MDH1B: variants seen among roughly 807,000 people sequenced by gnomAD.
The protein encoded by MDH1B is malate dehydrogenase 1B.
Under a neutral mutation model 61.4 loss-of-function variants are expected in MDH1B, and 60 were observed. The ratio of observed to expected loss-of-function variants is 0.98; its 90% CI spans 0.79 to 1.21. The LOEUF (loss-of-function observed/expected upper bound fraction) is 1.21, where lower values mean the gene tolerates loss of function less well. Among genes scored for constraint, MDH1B ranks in the 50% most tolerant of loss-of-function variants. MDH1B has a pLI of 0.00. For synonymous variants in MDH1B, 236 were observed against 218.7 expected (o/e 1.08, Z -0.70); for missense variants, 587 against 632.1 (o/e 0.93, Z 0.76).
At chr2:206,743,496 A>G (rs540949235) in intron 9 of MDH1B, among the ~76,000 whole-genome samples, 7 of 152,122 alleles carry the variant, frequency 4.6e-5, no homozygotes, top group Admixed American at 2.0e-4. Context: ...CCTTCTCTCT[A>G]GACAATCTCC....
At chr2:206,745,770 G>A in intron 8 of MDH1B, 97 bp from the exon 9 acceptor site, 2 of 842,062 alleles carry the variant, frequency 2.4e-6, no homozygotes, top group Non-Finnish European at 3.5e-6. Context: ...TTTCACTCTT[G>A]TTGCCCAGGC....
intron 2 of MDH1B, among the ~76,000 whole-genome samples, chr2:206,759,361 C>T (rs556528758): frequency 3.3e-5 from 5 of 152,268 alleles, no homozygotes; most frequent in African/African-American, 1.2e-4. Flanking sequence ...ATATGTACCA[C>T]ATTTTCTTTC....
chr2:206,746,852 G>A (rs1366990492), intron 7 of MDH1B, among the ~76,000 whole-genome samples: 1 of 152,152 alleles, frequency 6.6e-6, no homozygotes, highest in African/African-American at 2.4e-5. Flanking sequence ...GGGGAGGCAG[G>A]AAATTTGGTT....
intron 8 of MDH1B, 57 bp from the exon 9 acceptor site, chr2:206,745,730 CTTTTTT>C (rs140066038): frequency 3.2e-3 from 2,376 of 745,878 alleles, no homozygotes; most frequent in East Asian, 0.012. Context: ...CTTAATTCTT[CTTTTTT>C]TTTTTTTTTT....
chr2:206,746,152 C>A, intron 8 of MDH1B, 135 bp downstream of exon 8: 1 of 671,460 alleles, frequency 1.5e-6, no homozygotes, highest in South Asian at 3.8e-5. Context: ...TTTTTTCAAA[C>A]TTTTATTATC....
chr2:206,762,755 C>T (rs1226509366), intron 1 of MDH1B, among the ~76,000 whole-genome samples: 1 of 152,154 alleles, frequency 6.6e-6, no homozygotes, highest in Non-Finnish European at 1.5e-5. Context: ...GACTTCCATG[C>T]CACTAAATCC....
chr2:206,751,040 C>A lies in MDH1B; in HGVS notation c.946G>T (p.Gly316Ter). The change falls in exon 6 of 12, where the codon GGA (glycine) becomes TGA (stop). Residue 316 changes from glycine (G) to a stop codon, truncating the protein, a stop_gained. Transcript: ENST00000374412. LOFTEE classifies it high-confidence loss of function. ...TTTCTCAGATCAACGTAATTATTTC[C>A]ACTGATATTACCCCAAATGATCACG... is the stretch of plus-strand genomic sequence containing the variant. ...KDVIIWGNIS[G>*]NNYVDLRKTR... 6.2e-7 allele frequency: 1 copy of A among 1,605,564 alleles called. No homozygotes were observed. The highest frequency in any genetic ancestry group is 8.5e-7 in the Non-Finnish European group (1 of 1,174,270).
chr2:206,756,754 T>C (rs755041840), intron 4 of MDH1B, 144 bp downstream of exon 4: 1 of 734,504 alleles, frequency 1.4e-6, no homozygotes, highest in Non-Finnish European at 2.2e-6. Context: ...TGCATATGTA[T>C]ATGTGTATAC....
At chr2:206,740,291 T>C (rs1687736458) in intron 10 of MDH1B, among the ~76,000 whole-genome samples, 1 of 152,242 alleles carries the variant, frequency 6.6e-6, no homozygotes, top group Admixed American at 6.5e-5. Context: ...ATGTTATATG[T>C]ATCACATACT....
At position 206,755,316 on chromosome 2, in the gene MDH1B, C is replaced by T. The variant is rs1294446855; in HGVS notation, c.603G>A (p.Val201=). The change falls in exon 5 of 12, where the codon GTG becomes GTA. Residue 201 remains valine (V), a synonymous_variant. Coordinates refer to ENST00000374412, the MANE Select transcript of MDH1B (RefSeq NM_001039845.3). ...CGTGGGCCTGGCGGAAGGCCTCCTCCACCTTCGTGCAGATGGAGACACTGC... is the reference window on the plus strand; with the variant it reads ...CGTGGGCCTGGCGGAAGGCCTCCTCTACCTTCGTGCAGATGGAGACACTGC... ...VLRSVSICTK[V]EEAFRQAHVI... 9.9e-6 allele frequency: 16 copies of T among 1,614,096 alleles called. No homozygotes were observed. The highest frequency in any genetic ancestry group is 1.6e-4 in the Middle Eastern group (1 of 6,084).
At chr2:206,739,754 CTG>C in intron 10 of MDH1B, 93 bp from the exon 11 acceptor site, 1 of 1,138,594 alleles carries the variant, frequency 8.8e-7, no homozygotes. Flanking sequence ...TCCTTCCACT[CTG>C]AGGTTTCTCT....
intron 2 of MDH1B, among the ~76,000 whole-genome samples, chr2:206,758,714 C>T (rs1254765914): frequency 1.3e-5 from 2 of 151,706 alleles, no homozygotes; most frequent in Admixed American, 6.6e-5. Context: ...TGCAGTGAGC[C>T]GAGATTGCAC....
chr2:206,745,303 A>G, intron 9 of MDH1B: 2 of 490,694 alleles, frequency 4.1e-6, no homozygotes, highest in Non-Finnish European at 8.0e-6. Context: ...TAGTCTCCTG[A>G]GCTGTGAACA....
intron 9 of MDH1B, among the ~76,000 whole-genome samples, chr2:206,744,966 T>C (rs1688020263): frequency 6.6e-6 from 1 of 151,482 alleles, no homozygotes. Context: ...TATATATATG[T>C]TGAAGTCCTA....
intron 5 of MDH1B, among the ~76,000 whole-genome samples, chr2:206,752,169 T>A (rs1356712502): frequency 6.6e-6 from 1 of 152,164 alleles, no homozygotes; most frequent in African/African-American, 2.4e-5. Flanking sequence ...AGTATTACCC[T>A]AACACAGTTG....
Position 206,738,483 on chromosome 2 carries a change from T to C in MDH1B, c.1557A>G (p.Ter519=). Residue 519 remains the stop codon, a stop_retained_variant, in exon 12 of 12, where the codon TAA becomes TAG. Coordinates refer to ENST00000374412, the MANE Select transcript of MDH1B (RefSeq NM_001039845.3). ...TATATATTTCATCCAATTTGATCTG[T>C]TAGGATTCCACGGTTTTGCCTTCAA... ...NEFEGKTVES[*] 1 of 1,581,436 alleles carries C rather than the reference T, an allele frequency of 6.3e-7. No homozygotes were observed. Among genetic ancestry groups the C allele is most frequent in the Non-Finnish European group, 8.6e-7 (1 of 1,158,246 alleles).
chr2:206,742,019 C>T (rs1186489071), intron 9 of MDH1B, among the ~76,000 whole-genome samples: 1 of 149,834 alleles, frequency 6.7e-6, no homozygotes, highest in Non-Finnish European at 1.5e-5. Context: ...TACATAATAC[C>T]TTTGACCATA....
chr2:206,745,942 C>T (rs1038861040), intron 8 of MDH1B, among the ~76,000 whole-genome samples: 3 of 152,048 alleles, frequency 2.0e-5, no homozygotes, highest in Non-Finnish European at 2.9e-5. Flanking sequence ...CCATGTTGGT[C>T]AGGCTGGTCG....
At chr2:206,761,115 T>C in intron 1 of MDH1B, 102 bp from the exon 2 acceptor site, 1 of 602,402 alleles carries the variant, frequency 1.7e-6, no homozygotes, top group East Asian at 2.8e-5. Flanking sequence ...ATAGTTATGA[T>C]ATAATTTGAT....
Sources: gnomAD v4.1 joint callset for allele counts (sites outside exome capture counted in the v4.1 genomes callset) on GRCh38, gnomAD v4.1.1 for gene constraint, MANE v1.5 for transcripts, NCBI Gene and HGNC (gene_info 2026-07-23, HGNC 2026-07-21) for gene names.